GABBR2: variants seen among roughly 807,000 people sequenced by gnomAD.
GABBR2 encodes gamma-aminobutyric acid type B receptor subunit 2.
In GABBR2, 23 loss-of-function variants were observed where a neutral mutation model predicts 105.6. The observed-to-expected ratio is 0.22, with a 90% confidence interval of 0.16 to 0.31. The LOEUF is 0.31. GABBR2 is among the 10% of genes least tolerant of loss of function. The pLI is 1.00. For synonymous variants in GABBR2, 478 were observed against 499.7 expected (o/e 0.96, Z 0.58); for missense variants, 734 against 1,245.5 (o/e 0.59, Z 6.18).
chr9:98,431,759 A>C (rs192356312), intron 7 of GABBR2, among the ~76,000 whole-genome samples: 57 of 152,066 alleles, frequency 3.7e-4, no homozygotes, highest in African/African-American at 1.4e-3. Context: ...GCAGTGGTGC[A>C]ATCTCATCTC....
chr9:98,551,172 G>T (rs1191436113), intron 2 of GABBR2, among the ~76,000 whole-genome samples: 1 of 152,162 alleles, frequency 6.6e-6, no homozygotes, highest in Non-Finnish European at 1.5e-5. Context: ...GGAGGCCGAG[G>T]TGCGTAGATC....
intron 9 of GABBR2, among the ~76,000 whole-genome samples, chr9:98,392,794 C>T (rs1174160069): frequency 6.6e-6 from 1 of 152,164 alleles, no homozygotes; most frequent in Non-Finnish European, 1.5e-5. Context: ...GTCTGTTTGT[C>T]CATCCGTCCA....
intron 1 of GABBR2, among the ~76,000 whole-genome samples, chr9:98,691,488 G>A (rs893672564): frequency 8.5e-5 from 13 of 152,216 alleles, no homozygotes; most frequent in African/African-American, 1.7e-4. Flanking sequence ...TGACTGGGGG[G>A]TTGTGTTCTC....
intron 1 of GABBR2, among the ~76,000 whole-genome samples, chr9:98,591,503 G>A (rs1365566492): frequency 6.6e-6 from 1 of 152,204 alleles, no homozygotes; most frequent in African/African-American, 2.4e-5. Flanking sequence ...TCTGGCAGCT[G>A]GGGCAGAGGA....
intron 13 of GABBR2, among the ~76,000 whole-genome samples, chr9:98,354,380 T>C (rs1366676704): frequency 7.2e-5 from 11 of 152,254 alleles, no homozygotes; most frequent in Admixed American, 1.3e-4. Context: ...TCTGAAACTT[T>C]GAAGCCAGGC....
At chr9:98,685,161 C>A (rs543883259) in intron 1 of GABBR2, among the ~76,000 whole-genome samples, 48 of 152,300 alleles carry the variant, frequency 3.2e-4, no homozygotes, top group African/African-American at 1.1e-3. Flanking sequence ...AGTCTTCTGG[C>A]CTCCATCTGT....
At chr9:98,462,969 A>G (rs1462893543) in intron 6 of GABBR2, among the ~76,000 whole-genome samples, 1 of 151,996 alleles carries the variant, frequency 6.6e-6, no homozygotes, top group Non-Finnish European at 1.5e-5. Context: ...GCTCACTATA[A>G]CCTCCGCCTC....
At chr9:98,420,200 C>T (rs139570537) in intron 7 of GABBR2, among the ~76,000 whole-genome samples, 132 of 152,306 alleles carry the variant, frequency 8.7e-4, no homozygotes, top group African/African-American at 2.9e-3. Flanking sequence ...TAGCTCCCCC[C>T]ACCTGGCCCT....
intron 13 of GABBR2, among the ~76,000 whole-genome samples, chr9:98,335,582 C>T (rs886346203): frequency 8.6e-5 from 13 of 151,970 alleles, no homozygotes; most frequent in South Asian, 4.2e-4. Flanking sequence ...GGGTGTGACC[C>T]GGGCCGGTAT....
chr9:98,613,356 C>A (rs1168655200), intron 1 of GABBR2, among the ~76,000 whole-genome samples: 1 of 151,724 alleles, frequency 6.6e-6, no homozygotes. Context: ...ACAAGAATCG[C>A]GTGAGCCCAG....
chr9:98,298,931 G>A (rs115679400), intron 17 of GABBR2, among the ~76,000 whole-genome samples: 175 of 152,350 alleles, frequency 1.1e-3, no homozygotes, highest in African/African-American at 3.8e-3. Context: ...AAAATAAAAT[G>A]TGCCTGCCCC....
intron 3 of GABBR2, among the ~76,000 whole-genome samples, chr9:98,535,644 T>C (rs1364218438): frequency 6.6e-6 from 1 of 151,928 alleles, no homozygotes; most frequent in Non-Finnish European, 1.5e-5. Context: ...CCCATGGGGG[T>C]CTGGGAACCA....
chr9:98,319,781 G>GT (rs1334186386), intron 13 of GABBR2, among the ~76,000 whole-genome samples: 1 of 152,144 alleles, frequency 6.6e-6, no homozygotes, highest in African/African-American at 2.4e-5. Context: ...ACTAGCAGCT[G>GT]TTTTGGCAGC....
chr9:98,623,584 C>G (rs574787300), intron 1 of GABBR2, among the ~76,000 whole-genome samples: 1 of 152,344 alleles, frequency 6.6e-6, no homozygotes, highest in South Asian at 2.1e-4. Context: ...AGAACCCATT[C>G]TCTCGCATTT....
At chr9:98,445,849 C>T (rs1294810390) in intron 7 of GABBR2, among the ~76,000 whole-genome samples, 1 of 152,212 alleles carries the variant, frequency 6.6e-6, no homozygotes, top group Non-Finnish European at 1.5e-5. Flanking sequence ...TGAAACTGAG[C>T]TCAGGAGATC....
At chr9:98,470,205 T>A (rs1409036585) in intron 6 of GABBR2, among the ~76,000 whole-genome samples, 2 of 152,060 alleles carry the variant, frequency 1.3e-5, no homozygotes, top group Admixed American at 6.6e-5. Context: ...GGTGCAAAAT[T>A]TAAGGGAGAG....
At chr9:98,570,861 C>G (rs1186481501) in intron 2 of GABBR2, among the ~76,000 whole-genome samples, 2 of 152,194 alleles carry the variant, frequency 1.3e-5, no homozygotes, top group Non-Finnish European at 2.9e-5. Context: ...GCTGGAGAGT[C>G]CTTGGGTGAC....
At chr9:98,651,682 T>A (rs892730987) in intron 1 of GABBR2, among the ~76,000 whole-genome samples, 22 of 152,164 alleles carry the variant, frequency 1.4e-4, no homozygotes, top group African/African-American at 5.3e-4. Flanking sequence ...TCCTCCCACC[T>A]CAGCCTCCCA....
At chr9:98,483,343 C>T (rs1184966740) in intron 4 of GABBR2, among the ~76,000 whole-genome samples, 1 of 152,174 alleles carries the variant, frequency 6.6e-6, no homozygotes, top group Non-Finnish European at 1.5e-5. Flanking sequence ...ACAGCAACAG[C>T]CTCCCTGCAC....
Sources: allele counts gnomAD v4.1 joint callset (sites outside exome capture counted in the v4.1 genomes callset), GRCh38; gene constraint gnomAD v4.1.1; transcripts MANE v1.5; gene names NCBI Gene and HGNC (gene_info 2026-07-23, HGNC 2026-07-21).